AGL: variants seen among roughly 807,000 people sequenced by gnomAD.
AGL encodes glycogen debranching enzyme.
Under a neutral mutation model 199.3 loss-of-function variants are expected in AGL, and 128 were observed. That is an observed-to-expected ratio of 0.64 (90% CI 0.56 to 0.74). The LOEUF is 0.74. Ranked by LOEUF, AGL falls within the 30% of genes least tolerant of loss-of-function variation. The pLI, the probability that AGL is intolerant of heterozygous loss-of-function variation, is 0.00. For synonymous variants in AGL, 584 were observed against 594.7 expected (o/e 0.98, Z 0.26); for missense variants, 1,809 against 1,820.8 (o/e 0.99, Z 0.12).
At chr1:99,865,198 A>C (rs889813083) in intron 5 of AGL, among the ~76,000 whole-genome samples, 1 of 152,152 alleles carries the variant, frequency 6.6e-6, no homozygotes, top group African/African-American at 2.4e-5. Context: ...CATACTATCT[A>C]TAGTTTTACA....
intron 27 of AGL, among the ~76,000 whole-genome samples, chr1:99,903,461 G>T (rs537810546): frequency 4.6e-5 from 7 of 152,272 alleles, no homozygotes; most frequent in Non-Finnish European, 7.4e-5. Flanking sequence ...CAAAGGACAT[G>T]AACTCATCCT....
rs201595979 is a variant in AGL at position 99,917,627 on chromosome 1, CT to C, written c.4481+901del. The stretch of plus-strand genomic sequence containing the variant: ...GTCTGTTCTTTGTTAGCTTTTTCCT[CT>C]TTTTGTGCTTCTTTTGCATTGAATA... On this transcript the variant is annotated intron_variant, in intron 33 of 33. Transcript: ENST00000361915. 1.4e-4 allele frequency among the ~76,000 whole-genome samples: 22 copies of C among 152,216 alleles called. No homozygotes were observed. The East Asian group carries it at 4.2e-3, about 29-fold the overall frequency.
At position 99,921,779 on chromosome 1, in the gene AGL, T is replaced by C. The variant is rs1438021693; in HGVS notation, c.*128T>C. ...ATTTATTATAATATTGATGCTCAAT[T>C]AGGTAAGATTGTAAAAGCATTGATT... On this transcript the variant is annotated 3_prime_UTR_variant, in exon 34 of 34. Coordinates refer to ENST00000361915, the MANE Select transcript of AGL (RefSeq NM_000642.3). 6.7e-6 allele frequency: 4 copies of C among 597,836 alleles called. No homozygotes were observed. Among genetic ancestry groups the C allele is most frequent in the Non-Finnish European group, 1.2e-5 (4 of 346,538 alleles). 37.0% of individuals were successfully genotyped at this position (597,836 alleles called of 1,614,324 possible).
At chr1:99,868,567 G>A (rs1487264707) in intron 5 of AGL, among the ~76,000 whole-genome samples, 1 of 152,080 alleles carries the variant, frequency 6.6e-6, no homozygotes, top group Admixed American at 6.6e-5. Flanking sequence ...AGCCGAGACT[G>A]TGCCACTGTA....
intron 17 of AGL, among the ~76,000 whole-genome samples, chr1:99,883,531 G>C (rs1198608576): frequency 1.3e-5 from 2 of 152,122 alleles, no homozygotes; most frequent in South Asian, 2.1e-4. Flanking sequence ...CAGTGTGAAT[G>C]AATCTAAAAA....
intron 2 of AGL, among the ~76,000 whole-genome samples, chr1:99,858,000 G>A (rs909856000): frequency 2.0e-5 from 3 of 152,176 alleles, no homozygotes; most frequent in Admixed American, 2.0e-4. Flanking sequence ...GGCATACTCA[G>A]AAGAAAACGT....
At chr1:99,866,771 G>A (rs1296568569) in intron 5 of AGL, among the ~76,000 whole-genome samples, 5 of 151,798 alleles carry the variant, frequency 3.3e-5, no homozygotes, top group African/African-American at 9.7e-5. Context: ...GTTGCAAATC[G>A]TAATATCCTT....
chr1:99,898,615 G>A lies in AGL; in HGVS notation c.3363-2021G>A, dbSNP rs61811155. On this transcript the variant is annotated intron_variant, in intron 25 of 33. Coordinates refer to ENST00000361915, the MANE Select transcript of AGL (RefSeq NM_000642.3). ...TAAAATTTATTTCTTGCTTGTAGTC[G>A]TAGACGCATGCTCAGTAAGCAGCCT... is the stretch of plus-strand genomic sequence containing the variant. 3.9e-3 allele frequency among the ~76,000 whole-genome samples: 589 copies of A among 152,158 alleles called. 2 individuals are homozygous for A. Among genetic ancestry groups the A allele is most frequent in the Non-Finnish European group, 7.4e-3 (502 of 67,994 alleles).
In AGL at chr1:99,891,310, A is replaced by G. The variant is rs1447342458; in HGVS notation, c.2903A>G (p.Asp968Gly). The G allele has an allele frequency of 6.2e-7, 1 of 1,613,690 alleles. No individual in the cohort carries two copies. The highest frequency in any genetic ancestry group is 8.5e-7 in the Non-Finnish European group (1 of 1,179,776). The change falls in exon 22 of 34, where the codon GAC (aspartate) becomes GGC (glycine). Residue 968 changes from aspartate (D) to glycine (G), a missense_variant. Coordinates refer to ENST00000361915, the MANE Select transcript of AGL (RefSeq NM_000642.3). ...NNLRSGDWMI[D>G]YVSNRLISRS... ...TTGAGATCTGGAGATTGGATGATTGACTATGTCAGTAACCGGCTTATTTCA... is the reference window on the plus strand; with the variant it reads ...TTGAGATCTGGAGATTGGATGATTGGCTATGTCAGTAACCGGCTTATTTCA...
chr1:99,859,822 G>A (rs942560529), intron 2 of AGL, among the ~76,000 whole-genome samples: 1 of 152,200 alleles, frequency 6.6e-6, no homozygotes, highest in African/African-American at 2.4e-5. Context: ...GATTACAGGC[G>A]TGAGCTACTG....
intron 25 of AGL, among the ~76,000 whole-genome samples, chr1:99,899,730 C>G (rs1653660711): frequency 6.6e-6 from 1 of 152,040 alleles, no homozygotes; most frequent in African/African-American, 2.4e-5. Flanking sequence ...ACGCCGTTCT[C>G]CTGCCTCAGC....
At chr1:99,854,396 A>G (rs927319552) in intron 2 of AGL, among the ~76,000 whole-genome samples, 3 of 152,224 alleles carry the variant, frequency 2.0e-5, no homozygotes, top group Admixed American at 6.5e-5. Context: ...TAAAACCGGT[A>G]AATGTATCCA....
At chr1:99,872,649 C>T (rs1219578942) in intron 7 of AGL, among the ~76,000 whole-genome samples, 1 of 151,888 alleles carries the variant, frequency 6.6e-6, no homozygotes, top group Non-Finnish European at 1.5e-5. Context: ...CTGCCTCAGC[C>T]TCCCAAGTAG....
At chr1:99,911,963 C>T (rs1408708952) in intron 28 of AGL, among the ~76,000 whole-genome samples, 1 of 152,020 alleles carries the variant, frequency 6.6e-6, no homozygotes, top group Admixed American at 6.6e-5. Flanking sequence ...CATGCTTTAC[C>T]AGTTTTTTAA....
chr1:99,861,943 C>G (rs1407394152), intron 3 of AGL, among the ~76,000 whole-genome samples: 1 of 152,086 alleles, frequency 6.6e-6, no homozygotes, highest in African/African-American at 2.4e-5. Flanking sequence ...GTAGTAATTT[C>G]ATGCAACCTG....
At chr1:99,853,910 C>T (rs1267647987) in intron 2 of AGL, among the ~76,000 whole-genome samples, 1 of 148,280 alleles carries the variant, frequency 6.7e-6, no homozygotes, top group Non-Finnish European at 1.5e-5. Context: ...AAATAAAGGG[C>T]CGGGCGCAGT....
intron 8 of AGL, 122 bp from the exon 9 acceptor site, chr1:99,875,032 C>T (rs1294378085): frequency 2.9e-6 from 3 of 1,050,386 alleles, no homozygotes; most frequent in East Asian, 5.2e-5. Context: ...AAAACATCAT[C>T]AGCCATAATT....
In AGL at chr1:99,891,366, G is replaced by C; in HGVS notation, c.2949+10G>C. On this transcript the variant is annotated intron_variant, in intron 22 of 33. Coordinates refer to ENST00000361915, the MANE Select transcript of AGL (RefSeq NM_000642.3). ...AGGAACTATTGCTGAAGTAAGTAGA[G>C]CTATATTATCGTCCCAAAAAATCAA... 1 of 1,613,266 alleles carries C rather than the reference G, an allele frequency of 6.2e-7. No individual in the cohort carries two copies. Among genetic ancestry groups the C allele is most frequent in the Non-Finnish European group, 8.5e-7 (1 of 1,179,592 alleles).
intron 5 of AGL, among the ~76,000 whole-genome samples, chr1:99,866,780 T>G (rs1650545733): frequency 2.1e-5 from 3 of 142,048 alleles, no homozygotes; most frequent in African/African-American, 8.0e-5. Context: ...CGTAATATCC[T>G]TTCTGTGAAA....
Sources: gnomAD v4.1 joint callset for allele counts (sites outside exome capture counted in the v4.1 genomes callset) on GRCh38, gnomAD v4.1.1 for gene constraint, MANE v1.5 for transcripts, NCBI Gene and HGNC (gene_info 2026-07-23, HGNC 2026-07-21) for gene names.